The following TIAM1 variants were observed in gnomAD, a reference collection of about 807,000 sequenced individuals.
TIAM1 encodes the protein rho guanine nucleotide exchange factor TIAM1.
In TIAM1, 65 loss-of-function variants were observed where a neutral mutation model predicts 163.5. That is an observed-to-expected ratio of 0.40 (90% CI 0.33 to 0.49). TIAM1 has a LOEUF of 0.49. Among genes scored for constraint, TIAM1 ranks in the 20% least tolerant of loss-of-function variants. TIAM1 has a pLI of 0.77. For missense variants in TIAM1, 1,789 were observed against 2,044.7 expected (o/e 0.87, Z 2.41); for synonymous variants, 833 against 810.1 (o/e 1.03, Z -0.48).
intron 1 of TIAM1, among the ~76,000 whole-genome samples, chr21:31,482,212 C>T (rs959710629): frequency 5.9e-5 from 9 of 151,842 alleles, no homozygotes; most frequent in South Asian, 4.2e-4. Flanking sequence ...AGTGCAGCGG[C>T]GCAATCTCGG....
At chr21:31,286,301 T>C (rs980920235) in intron 2 of TIAM1, among the ~76,000 whole-genome samples, 4 of 152,104 alleles carry the variant, frequency 2.6e-5, no homozygotes, top group Non-Finnish European at 5.9e-5. Flanking sequence ...GAGTGGCTCA[T>C]GCCTGTAATC....
intron 5 of TIAM1, among the ~76,000 whole-genome samples, chr21:31,248,789 C>G (rs972389575): frequency 6.6e-5 from 10 of 152,124 alleles, no homozygotes; most frequent in African/African-American, 2.4e-4. Flanking sequence ...GCTCCATGTT[C>G]TGGGCCTGAA....
chr21:31,225,902 C>T lies in TIAM1; in HGVS notation c.1633G>A (p.Ala545Thr), dbSNP rs746739570. Residue 545 changes from alanine (A) to threonine (T), a missense_variant, in exon 7 of 28, where the codon GCC (alanine) becomes ACC (threonine). Around this residue, in one of 5 missense-constraint regions of TIAM1, gnomAD observed 456 missense variants for 586.6 expected, o/e 0.78. Coordinates refer to ENST00000541036, the MANE Select transcript of TIAM1 (RefSeq NM_001353694.2). ...TGCCTCGCGACCGCAGTGGCGCAGGCAGAGTGGATGGCGGTGATCCAGTTT... is the reference window on the plus strand; with the variant it reads ...TGCCTCGCGACCGCAGTGGCGCAGGTAGAGTGGATGGCGGTGATCCAGTTT... The part of the protein sequence containing the change: ...LENWITAIHS[A>T]CATAVARHHH... 8.7e-6 allele frequency: 14 copies of T among 1,614,110 alleles called. No individual in the cohort carries two copies. In the East Asian group the frequency reaches 2.9e-4, roughly 33 times the overall value.
At chr21:31,190,327 G>A (rs2085494747) in intron 13 of TIAM1, among the ~76,000 whole-genome samples, 1 of 152,008 alleles carries the variant, frequency 6.6e-6, no homozygotes, top group African/African-American at 2.4e-5. Flanking sequence ...GGGAAGGATG[G>A]CTTGAGTCTA....
At chr21:31,542,378 G>C (rs926970015) in intron 1 of TIAM1, among the ~76,000 whole-genome samples, 23 of 151,510 alleles carry the variant, frequency 1.5e-4, no homozygotes, top group Non-Finnish European at 4.4e-5. Context: ...AGTGAGCCGA[G>C]ACCGCGCCAC....
intron 2 of TIAM1, among the ~76,000 whole-genome samples, chr21:31,359,093 A>G (rs1602089387): frequency 6.6e-6 from 1 of 152,186 alleles, no homozygotes; most frequent in African/African-American, 2.4e-5. Context: ...AAATGGTACC[A>G]TCTCATCACT....
At chr21:31,462,867 C>A (rs151029587) in intron 2 of TIAM1, among the ~76,000 whole-genome samples, 2,650 of 152,118 alleles carry the variant, frequency 0.017, 71 homozygotes, top group African/African-American at 0.059. Flanking sequence ...CTCAGCCTCC[C>A]AAGTAGCTGG....
upstream of TIAM1, among the ~76,000 whole-genome samples, chr21:31,346,894 G>A (rs1183353125): frequency 6.6e-6 from 1 of 151,788 alleles, no homozygotes; most frequent in Non-Finnish European, 1.5e-5. Context: ...GGTGGGTGGG[G>A]GGCATATACT....
intron 2 of TIAM1, among the ~76,000 whole-genome samples, chr21:31,391,470 C>A (rs2076964052): frequency 6.6e-6 from 1 of 152,020 alleles, no homozygotes; most frequent in Non-Finnish European, 1.5e-5. Context: ...ACTAAAAATA[C>A]AAAAATTAGC....
intron 5 of TIAM1, among the ~76,000 whole-genome samples, chr21:31,247,897 A>G (rs982090463): frequency 6.6e-6 from 1 of 152,060 alleles, no homozygotes; most frequent in African/African-American, 2.4e-5. Flanking sequence ...AGAGAGACAA[A>G]GAAATAACAA....
chr21:31,555,517 G>A (rs1388739877), intron 1 of TIAM1, among the ~76,000 whole-genome samples: 1 of 151,986 alleles, frequency 6.6e-6, no homozygotes, highest in Non-Finnish European at 1.5e-5. Context: ...TCTTAACCAC[G>A]AGCCTGAGTC....
At chr21:31,225,018 C>A (rs8128902) in intron 7 of TIAM1, among the ~76,000 whole-genome samples, 7,260 of 151,952 alleles carry the variant, frequency 0.048, 509 homozygotes, top group African/African-American at 0.15. Flanking sequence ...ATATCTCTCT[C>A]TATATATATC....
intron 2 of TIAM1, among the ~76,000 whole-genome samples, chr21:31,456,569 A>G (rs1247556335): frequency 6.6e-6 from 1 of 152,220 alleles, no homozygotes; most frequent in East Asian, 1.9e-4. Context: ...TTTAGGCTGC[A>G]AAGAGGTTTG....
chr21:31,236,454 A>G (rs1389447301), intron 6 of TIAM1, among the ~76,000 whole-genome samples: 1 of 152,200 alleles, frequency 6.6e-6, no homozygotes, highest in African/African-American at 2.4e-5. Context: ...AACAAAGAGA[A>G]TGAAGACCTC....
chr21:31,260,317 A>T (rs2072388382), intron 4 of TIAM1, among the ~76,000 whole-genome samples: 1 of 150,684 alleles, frequency 6.6e-6, no homozygotes, highest in Admixed American at 6.6e-5. Context: ...GGCTCACTGC[A>T]ACCTCCACCT....
intron 2 of TIAM1, among the ~76,000 whole-genome samples, chr21:31,301,311 C>A (rs966467321): frequency 5.3e-5 from 8 of 152,116 alleles, no homozygotes; most frequent in Non-Finnish European, 1.2e-4. Flanking sequence ...TAAAATTCTA[C>A]AATAAAAACC....
rs544700193 is a variant in TIAM1, at chr21:31,381,096, A to AG, written c.-368-41675_-368-41674insC. Among the ~76,000 whole-genome samples, 766 of 152,368 alleles carry AG rather than the reference A, an allele frequency of 5.0e-3. 4 individuals carry two copies. Among genetic ancestry groups the AG allele is most frequent in the African/African-American group, 0.018 (732 of 41,584 alleles). On this transcript the variant is annotated intron_variant, in intron 2 of 28. Coordinates refer to the TIAM1 transcript ENST00000286827. ...GCAATATACTAAACCTTGCTAGAAG[A>AG]CACAGATAATACAGTCCCTTTCTTC...
chr21:31,296,944 T>C (rs1458663614), intron 2 of TIAM1, among the ~76,000 whole-genome samples: 2 of 152,190 alleles, frequency 1.3e-5, no homozygotes, highest in East Asian at 1.9e-4. Context: ...ATTACGGGCA[T>C]GAGCCACTGC....
chr21:31,266,792 T>A lies in TIAM1; in HGVS notation c.181A>T (p.Thr61Ser). The A allele has an allele frequency of 6.2e-7, 1 of 1,614,056 alleles. No homozygotes were observed. The highest frequency in any genetic ancestry group is 2.2e-5 in the East Asian group (1 of 44,858). Residue 61 changes from threonine to serine, a missense_variant, in exon 4 of 28, where the codon ACC becomes TCC. Transcript: ENST00000541036. Reference protein sequence around the residue: ...NSEVSTRSSSTPSIPQSLAEN... With the variant: ...NSEVSTRSSSSPSIPQSLAEN... ...GCCAGGGACTGGGGGATGCTGGGGGTGCTGCTGGATCGGGTGCTCACTTCG... is the reference window on the plus strand; with the variant it reads ...GCCAGGGACTGGGGGATGCTGGGGGAGCTGCTGGATCGGGTGCTCACTTCG...
Sources: gnomAD v4.1 joint callset for allele counts (sites outside exome capture counted in the v4.1 genomes callset) on GRCh38, gnomAD v4.1.1 for gene constraint, gnomAD v4.1.1 regional missense constraint, MANE v1.5 for transcripts, NCBI Gene and HGNC (gene_info 2026-07-23, HGNC 2026-07-21) for gene names.